Variants in PTPRE observed in about 807,000 individuals in gnomAD.
The protein encoded by PTPRE is protein tyrosine phosphatase receptor type E.
PTPRE carries 51 observed loss-of-function variants against 102.0 expected under a neutral mutation model. That is an observed-to-expected ratio of 0.50 (90% CI 0.40 to 0.63). The LOEUF (loss-of-function observed/expected upper bound fraction) is 0.63. PTPRE is among the 30% of genes least tolerant of loss of function. The pLI, the probability that PTPRE is intolerant of heterozygous loss-of-function variation, is 0.00. For missense variants in PTPRE, 752 were observed against 915.1 expected (o/e 0.82, Z 2.30); for synonymous variants, 345 against 348.2 (o/e 0.99, Z 0.10).
intron 1 of PTPRE, among the ~76,000 whole-genome samples, chr10:127,911,368 A>G (rs1463564636): frequency 1.3e-5 from 2 of 152,260 alleles, no homozygotes; most frequent in African/African-American, 4.8e-5. Flanking sequence ...TGCTGTGCAC[A>G]TTAACCAGGC....
chr10:128,012,471 G>T (rs1251423313), intron 2 of PTPRE, among the ~76,000 whole-genome samples: 2 of 152,192 alleles, frequency 1.3e-5, no homozygotes, highest in Admixed American at 6.5e-5. Context: ...AGAAGCCCCA[G>T]ATGAAGCTCC....
intron 1 of PTPRE, among the ~76,000 whole-genome samples, chr10:127,971,783 A>G (rs535684496): frequency 6.6e-6 from 1 of 152,346 alleles, no homozygotes; most frequent in Non-Finnish European, 1.5e-5. Context: ...CCGGCCAGCC[A>G]TGTGGGTGGC....
intron 2 of PTPRE, among the ~76,000 whole-genome samples, chr10:128,040,487 G>A (rs1466357375): frequency 6.6e-6 from 1 of 152,104 alleles, no homozygotes; most frequent in Non-Finnish European, 1.5e-5. Flanking sequence ...GAGTTAGCAG[G>A]GCGAGTGGAG....
intron 6 of PTPRE, among the ~76,000 whole-genome samples, chr10:128,054,775 G>A (rs1258643307): frequency 3.3e-5 from 5 of 152,082 alleles, no homozygotes; most frequent in Non-Finnish European, 5.9e-5. Context: ...ACACCTGTGG[G>A]TGGCAGGTCA....
At chr10:127,914,851 G>A (rs1846102923) in intron 1 of PTPRE, among the ~76,000 whole-genome samples, 1 of 152,150 alleles carries the variant, frequency 6.6e-6, no homozygotes, top group Non-Finnish European at 1.5e-5. Context: ...CACGAGATAA[G>A]GACCAAGGAT....
chr10:128,018,050 C>T (rs955618294), intron 2 of PTPRE, among the ~76,000 whole-genome samples: 6 of 152,196 alleles, frequency 3.9e-5, no homozygotes, highest in South Asian at 2.1e-4. Flanking sequence ...CTCACGCCCA[C>T]AACAGATCCA....
At chr10:128,062,241 C>T (rs1590190107) in intron 9 of PTPRE, among the ~76,000 whole-genome samples, 1 of 152,218 alleles carries the variant, frequency 6.6e-6, no homozygotes, top group Non-Finnish European at 1.5e-5. Context: ...ATTCCTCAGA[C>T]TTCCTCACTC....
intron 1 of PTPRE, among the ~76,000 whole-genome samples, chr10:127,936,686 A>G (rs1025803846): frequency 2.6e-5 from 4 of 152,092 alleles, no homozygotes; most frequent in South Asian, 2.1e-4. Flanking sequence ...GCGTTGTCCC[A>G]TTTTACAGAG....
Position 128,085,289 on chromosome 10 carries a change from T to C in PTPRE, c.*2383T>C, listed in dbSNP as rs1304708912. The C allele has an allele frequency of 1.6e-5, 5 of 315,468 alleles. No individual in the cohort carries two copies. 19.5% of individuals were successfully genotyped at this position (315,468 alleles called of 1,614,324 possible). A position where few individuals can be genotyped will look rare whatever the true frequency, so the allele number is the denominator to read the frequency against. ...CGTGCAACCTGGAAAGTTCATCTCTTGTTTCCTTCAGTCAAAGAAAGTCCA... is the reference window on the plus strand; with the variant it reads ...CGTGCAACCTGGAAAGTTCATCTCTCGTTTCCTTCAGTCAAAGAAAGTCCA... On this transcript the variant is annotated 3_prime_UTR_variant, in exon 21 of 21. Transcript: ENST00000254667.
At chr10:128,073,129 G>T (rs1045888414) in intron 16 of PTPRE, among the ~76,000 whole-genome samples, 6 of 152,316 alleles carry the variant, frequency 3.9e-5, no homozygotes, top group Non-Finnish European at 7.4e-5. Flanking sequence ...GGGGCTGACG[G>T]TGGCCGTTAT....
intron 6 of PTPRE, among the ~76,000 whole-genome samples, chr10:128,054,749 G>A (rs1000706523): frequency 1.3e-5 from 2 of 152,102 alleles, no homozygotes; most frequent in Admixed American, 6.5e-5. Flanking sequence ...CTGCCCTCAG[G>A]AGAGGAAGAC....
chr10:128,013,527 G>A (rs1845179670), intron 2 of PTPRE, among the ~76,000 whole-genome samples: 2 of 152,278 alleles, frequency 1.3e-5, no homozygotes, highest in South Asian at 4.1e-4. Flanking sequence ...ACAGAGGAGG[G>A]ATGTGCTATG....
intron 3 of PTPRE, among the ~76,000 whole-genome samples, chr10:128,042,479 G>T (rs1055235443): frequency 6.6e-6 from 1 of 152,236 alleles, no homozygotes; most frequent in African/African-American, 2.4e-5. Context: ...AGAACTAAAT[G>T]TGAAACTCAC....
intron 2 of PTPRE, among the ~76,000 whole-genome samples, chr10:127,984,087 T>C (rs535759031): frequency 2.7e-5 from 4 of 150,428 alleles, no homozygotes; most frequent in Admixed American, 2.0e-4. Context: ...TCTTTTTTTT[T>C]TTTTTTTTTT....
intron 6 of PTPRE, among the ~76,000 whole-genome samples, chr10:128,053,532 G>C (rs1264893897): frequency 6.6e-6 from 1 of 152,184 alleles, no homozygotes; most frequent in Non-Finnish European, 1.5e-5. Flanking sequence ...CATGTGGGTG[G>C]TTATTCTGTG....
At chr10:128,054,794 T>C (rs1342311461) in intron 6 of PTPRE, among the ~76,000 whole-genome samples, 1 of 152,212 alleles carries the variant, frequency 6.6e-6, no homozygotes, top group Admixed American at 6.5e-5. Flanking sequence ...CAGGCTGTGC[T>C]CTGCATTGTG....
At position 128,061,661 on chromosome 10, in the gene PTPRE, T is replaced by A; in HGVS notation, c.589-18T>A. 6.3e-7 allele frequency: 1 copy of A among 1,579,402 alleles called. No individual in the cohort carries two copies. The highest frequency in any genetic ancestry group is 8.6e-7 in the Non-Finnish European group (1 of 1,165,196). ...AGATAATTCTGAAAAAATATAAATCTGATGTTATTTTTTCTAGGGTTACAA... is the reference window on the plus strand; with the variant it reads ...AGATAATTCTGAAAAAATATAAATCAGATGTTATTTTTTCTAGGGTTACAA... On this transcript the variant is annotated intron_variant, in intron 8 of 20. Coordinates refer to ENST00000254667, the MANE Select transcript of PTPRE (RefSeq NM_006504.6).
chr10:128,060,955 G>A lies in PTPRE; in HGVS notation c.528G>A (p.Val176=), dbSNP rs746406059. ...TTTTTCCAGATGACCATTCTAGGGT[G>A]ATTCTGAGCCAACTGGATGGAATTC... ...PNILPNDHSR[V]ILSQLDGIPC... is the part of the protein sequence containing the mutation. The change falls in exon 8 of 21, where the codon GTG becomes GTA. Residue 176 remains valine, a synonymous_variant. Coordinates refer to ENST00000254667, the MANE Select transcript of PTPRE (RefSeq NM_006504.6). 1 of 1,614,138 alleles carries A rather than the reference G, an allele frequency of 6.2e-7. No homozygotes were observed. The highest frequency in any genetic ancestry group is 8.5e-7 in the Non-Finnish European group (1 of 1,180,002).
chr10:128,009,818 G>A (rs772236449), intron 2 of PTPRE, among the ~76,000 whole-genome samples: 79 of 152,268 alleles, frequency 5.2e-4, no homozygotes, highest in African/African-American at 1.4e-3. Flanking sequence ...TTGTAGTCTC[G>A]TTTCATATGA....
Sources: gnomAD v4.1 joint callset for allele counts (sites outside exome capture counted in the v4.1 genomes callset) on GRCh38, gnomAD v4.1.1 for gene constraint, MANE v1.5 for transcripts, NCBI Gene and HGNC (gene_info 2026-07-23, HGNC 2026-07-21) for gene names.